The following SMIM33 variants were observed in gnomAD, a reference collection of about 807,000 sequenced individuals.
The protein encoded by SMIM33 is small integral membrane protein 33.
Position 139,471,046 on chromosome 5 carries a change from G to A in SMIM33, c.-76G>A. On this transcript the variant is annotated 5_prime_UTR_variant, in exon 1 of 2. Coordinates refer to ENST00000637503, the MANE Select transcript of SMIM33 (RefSeq NM_001365197.1). ...CGCAGACGTGGCAGCTCCGGGTAGG[G>A]GCTGAATTAGGGTGGCCAGCCCTCC... The A allele has an allele frequency of 2.5e-6, 1 of 398,782 alleles. No homozygotes were observed. The highest frequency in any genetic ancestry group is 4.4e-6 in the Non-Finnish European group (1 of 226,190). 24.7% of individuals were successfully genotyped at this position (398,782 alleles called of 1,614,324 possible). A position where few individuals can be genotyped will look rare whatever the true frequency, so the allele number is the denominator to read the frequency against.
At chr5:139,471,331 T>C (rs566838001) in intron 1 of SMIM33, among the ~76,000 whole-genome samples, 54 of 152,072 alleles carry the variant, frequency 3.6e-4, no homozygotes, top group Non-Finnish European at 7.1e-4. Context: ...AAGGGATGCA[T>C]GTGGGAGATG....
In SMIM33 at chr5:139,473,327, G is replaced by C. The variant is rs1267732923; in HGVS notation, c.*406G>C. On this transcript the variant is annotated 3_prime_UTR_variant, in exon 2 of 2. Transcript: ENST00000637503. ...CGTGGAGAGGCCCTCATCCTACAAA[G>C]GCCAGCCAGGGAGAGCCCAGGCGGA... is the stretch of plus-strand genomic sequence containing the variant. 6.4e-6 allele frequency: 1 copy of C among 155,358 alleles called. No individual in the cohort carries two copies. Among genetic ancestry groups the C allele is most frequent in the African/African-American group, 2.4e-5 (1 of 41,590 alleles). The allele number at this position is 155,358 out of a possible 1,614,324, so 9.6% of individuals were successfully genotyped here.
At chr5:139,471,414 C>T (rs1751533229) in intron 1 of SMIM33, among the ~76,000 whole-genome samples, 2 of 152,062 alleles carry the variant, frequency 1.3e-5, no homozygotes, top group Non-Finnish European at 2.9e-5. Context: ...CTGGCCTACC[C>T]ATGGGGAGGG....
At position 139,471,112 on chromosome 5, in the gene SMIM33, G is replaced by A. The variant is rs541812133; in HGVS notation, c.-10G>A. The A allele has an allele frequency of 2.0e-5, 8 of 398,576 alleles. No individual in the cohort carries two copies. Among genetic ancestry groups the A allele is most frequent in the African/African-American group, 6.2e-5 (3 of 48,618 alleles). 24.7% of individuals were successfully genotyped at this position (398,576 alleles called of 1,614,324 possible). ...GCCAGTCCCAAGGGAGCCCTGTGTC[G>A]GCCCGGACAATGCACCAGGTAGACT... On this transcript the variant is annotated 5_prime_UTR_variant, in exon 1 of 2. Transcript: ENST00000637503.
Position 139,473,253 on chromosome 5 carries a change from C to T in SMIM33, c.*332C>T, listed in dbSNP as rs1751567434. The T allele has an allele frequency of 4.9e-6, 1 of 205,292 alleles. No homozygotes were observed. Among genetic ancestry groups the T allele is most frequent in the Non-Finnish European group, 9.7e-6 (1 of 103,516 alleles). 12.7% of individuals were successfully genotyped at this position (205,292 alleles called of 1,614,324 possible). A position where few individuals can be genotyped will look rare whatever the true frequency, so the allele number is the denominator to read the frequency against. ...CCTTCATTGCACGCTTAATCTCCTTCCTTTGTAATGTGAATCCAACTCCCC... is the reference window on the plus strand; with the variant it reads ...CCTTCATTGCACGCTTAATCTCCTTTCTTTGTAATGTGAATCCAACTCCCC... On this transcript the variant is annotated 3_prime_UTR_variant, in exon 2 of 2. Coordinates refer to ENST00000637503, the MANE Select transcript of SMIM33 (RefSeq NM_001365197.1).
At chr5:139,471,264 T>G (rs1751531383) in intron 1 of SMIM33, 134 bp downstream of exon 1, 5 of 398,586 alleles carry the variant, frequency 1.3e-5, no homozygotes, top group Non-Finnish European at 1.8e-5. Flanking sequence ...CTGGGAACTT[T>G]GTGGCCTGGG....
chr5:139,471,491 T>C (rs537836604), intron 1 of SMIM33, among the ~76,000 whole-genome samples: 5 of 152,208 alleles, frequency 3.3e-5, no homozygotes, highest in African/African-American at 1.2e-4. Context: ...GGATGGCCCA[T>C]CTGGGAAGGG....
intron 1 of SMIM33, among the ~76,000 whole-genome samples, chr5:139,472,071 G>T (rs1421063837): frequency 6.6e-6 from 1 of 152,172 alleles, no homozygotes; most frequent in Non-Finnish European, 1.5e-5. Flanking sequence ...TAGGAATTTT[G>T]CTGGAGACCT....
Position 139,472,625 on chromosome 5 carries a change from G to A in SMIM33, c.103G>A (p.Glu35Lys). Residue 35 changes from glutamate to lysine, a missense_variant, in exon 2 of 2, where the codon GAA becomes AAA. Transcript: ENST00000637503. Reference protein sequence around the residue: ...QLPEVLSGTWEQPRVDGLPVV... With the variant: ...QLPEVLSGTWKQPRVDGLPVV... ...TCCGGAGGTGCTAAGTGGCACCTGGGAACAACCTCGAGTTGACGGGCTGCC... is the reference window on the plus strand; with the variant it reads ...TCCGGAGGTGCTAAGTGGCACCTGGAAACAACCTCGAGTTGACGGGCTGCC... 2 of 400,810 alleles carry A rather than the reference G, an allele frequency of 5.0e-6. No homozygotes were observed. The highest frequency in any genetic ancestry group is 4.4e-5 in the Admixed American group (1 of 22,742). 24.8% of individuals were successfully genotyped at this position (400,810 alleles called of 1,614,324 possible).
At position 139,472,764 on chromosome 5, in the gene SMIM33, C is replaced by A. The variant is rs769771339; in HGVS notation, c.242C>A (p.Pro81Gln). 7.5e-6 allele frequency: 3 copies of A among 400,794 alleles called. No individual in the cohort carries two copies. Among genetic ancestry groups the A allele is most frequent in the Non-Finnish European group, 1.3e-5 (3 of 226,338 alleles). The allele number at this position is 400,794 out of a possible 1,614,324, so 24.8% of individuals were successfully genotyped here. ...QGHATLPTEPPTPKPDGGIYL... is the reference protein window; with the variant it reads ...QGHATLPTEPQTPKPDGGIYL... ...CATGCCACTCTCCCTACAGAGCCACCGACCCCAAAGCCAGATGGTGGCATC... is the reference window on the plus strand; with the variant it reads ...CATGCCACTCTCCCTACAGAGCCACAGACCCCAAAGCCAGATGGTGGCATC... The change falls in exon 2 of 2, where the codon CCG becomes CAG. Residue 81 changes from proline (P) to glutamine (Q), a missense_variant. Physicochemically the swap from Pro to Gln is moderately conservative, Grantham distance 76 (BLOSUM62 -1). Transcript: ENST00000637503.
In SMIM33 at chr5:139,472,635, G is replaced by A. The variant is rs998557637; in HGVS notation, c.113G>A (p.Arg38Gln). Residue 38 changes from arginine (R) to glutamine (Q), a missense_variant, in exon 2 of 2, where the codon CGA becomes CAA. Arg to Gln is a conservative substitution (Grantham distance 43). Coordinates refer to ENST00000637503, the MANE Select transcript of SMIM33 (RefSeq NM_001365197.1). ...EVLSGTWEQP[R>Q]VDGLPVVTVI... ...CTAAGTGGCACCTGGGAACAACCTC[G>A]AGTTGACGGGCTGCCTGTGGTCACC... 8 of 400,712 alleles carry A rather than the reference G, an allele frequency of 2.0e-5. No homozygotes were observed. The highest frequency in any genetic ancestry group is 3.1e-4 in the Middle Eastern group (1 of 3,244). The allele number at this position is 400,712 out of a possible 1,614,324, so 24.8% of individuals were successfully genotyped here.
In SMIM33 at chr5:139,472,690, A is replaced by G. The variant is rs2152092343; in HGVS notation, c.168A>G (p.Ala56=). ...TVIVAVFVLL[A]VCIIVAVHFG... ...TTGTCGCTGTCTTTGTTCTGCTGGC[A>G]GTCTGCATCATAGTGGCAGTCCATT... Residue 56 remains alanine, a synonymous_variant, in exon 2 of 2, where the codon GCA becomes GCG. Coordinates refer to ENST00000637503, the MANE Select transcript of SMIM33 (RefSeq NM_001365197.1). 2.5e-6 allele frequency: 1 copy of G among 400,812 alleles called. No homozygotes were observed. The highest frequency in any genetic ancestry group is 3.6e-5 in the East Asian group (1 of 28,078). The allele number at this position is 400,812 out of a possible 1,614,324, so 24.8% of individuals were successfully genotyped here. A position where few individuals can be genotyped will look rare whatever the true frequency, so the allele number is the denominator to read the frequency against.
rs1218574930 is a variant in SMIM33, at chr5:139,473,020, G to A, written c.*99G>A. The stretch of plus-strand genomic sequence containing the variant: ...ATTGGAGCCTGGGCATCAGAGCGTC[G>A]GAAGGGCACACTGGACTCAGCTGGA... On this transcript the variant is annotated 3_prime_UTR_variant, in exon 2 of 2. Coordinates refer to ENST00000637503, the MANE Select transcript of SMIM33 (RefSeq NM_001365197.1). The A allele has an allele frequency of 2.3e-5, 9 of 397,760 alleles. No individual in the cohort carries two copies. Among genetic ancestry groups the A allele is most frequent in the Non-Finnish European group, 3.5e-5 (8 of 226,182 alleles). The allele number at this position is 397,760 out of a possible 1,614,324, so 24.6% of individuals were successfully genotyped here. A position where few individuals can be genotyped will look rare whatever the true frequency, so the allele number is the denominator to read the frequency against.
At position 139,472,730 on chromosome 5, in the gene SMIM33, C is replaced by T; in HGVS notation, c.208C>T (p.His70Tyr). 2.5e-6 allele frequency: 1 copy of T among 400,894 alleles called. No homozygotes were observed. 24.8% of individuals were successfully genotyped at this position (400,894 alleles called of 1,614,324 possible). A position where few individuals can be genotyped will look rare whatever the true frequency, so the allele number is the denominator to read the frequency against. The stretch of plus-strand genomic sequence containing the variant: ...GGCAGTCCATTTTGGGCCAAGGCTG[C>T]ACCAGGGCCATGCCACTCTCCCTAC... ...IVAVHFGPRL[H>Y]QGHATLPTEP... The change falls in exon 2 of 2, where the codon CAC (histidine) becomes TAC (tyrosine). Residue 70 changes from histidine to tyrosine, a missense_variant. Transcript: ENST00000637503.
rs541812133 is a variant in SMIM33, at chr5:139,471,112, G to T, written c.-10G>T. 2.5e-6 allele frequency: 1 copy of T among 398,576 alleles called. No homozygotes were observed. The highest frequency in any genetic ancestry group is 2.1e-5 in the African/African-American group (1 of 48,618). 24.7% of individuals were successfully genotyped at this position (398,576 alleles called of 1,614,324 possible). On this transcript the variant is annotated 5_prime_UTR_variant, in exon 1 of 2. Coordinates refer to ENST00000637503, the MANE Select transcript of SMIM33 (RefSeq NM_001365197.1). Reference sequence around the variant, plus strand: ...GCCAGTCCCAAGGGAGCCCTGTGTCGGCCCGGACAATGCACCAGGTAGACT... The same window carrying T: ...GCCAGTCCCAAGGGAGCCCTGTGTCTGCCCGGACAATGCACCAGGTAGACT...
At chr5:139,471,271 TG>T (rs1488724314) in intron 1 of SMIM33, 141 bp downstream of exon 1, 2 of 398,576 alleles carry the variant, frequency 5.0e-6, no homozygotes, top group Admixed American at 8.8e-5. Flanking sequence ...CTTTGTGGCC[TG>T]GGACCCAGAG....
chr5:139,472,446 C>A (rs746871102), intron 1 of SMIM33, 86 bp from the exon 2 acceptor site: 1 of 397,772 alleles, frequency 2.5e-6, no homozygotes, highest in Non-Finnish European at 4.4e-6. Flanking sequence ...CCTCAGGTTC[C>A]TTTGGGTGTT....
intron 1 of SMIM33, 121 bp downstream of exon 1, chr5:139,471,251 G>C (rs1751531295): frequency 2.5e-6 from 1 of 398,752 alleles, no homozygotes; most frequent in Non-Finnish European, 4.4e-6. Flanking sequence ...CCCACCCCCT[G>C]CCCTGGGAAC....
intron 1 of SMIM33, among the ~76,000 whole-genome samples, 167 bp from the exon 2 acceptor site, chr5:139,472,365 T>C (rs1021831119): frequency 3.3e-5 from 5 of 152,120 alleles, no homozygotes; most frequent in African/African-American, 1.2e-4. Context: ...TCTCTGCCTC[T>C]CTCCAGGTCT....
Sources: gnomAD v4.1 joint callset for allele counts (sites outside exome capture counted in the v4.1 genomes callset) on GRCh38, gnomAD v4.1.1 for gene constraint, MANE v1.5 for transcripts, NCBI Gene and HGNC (gene_info 2026-07-23, HGNC 2026-07-21) for gene names.